Variants in NOX4 observed in about 807,000 individuals in gnomAD.
NOX4 encodes kidney oxidase-1.
A neutral mutation model predicts 87.6 loss-of-function variants in NOX4; 69 were observed. The ratio of observed to expected loss-of-function variants is 0.79; its 90% CI spans 0.65 to 0.96. The LOEUF (loss-of-function observed/expected upper bound fraction) is 0.96. Ranked by LOEUF, NOX4 falls within the 40% of genes least tolerant of loss-of-function variation. The pLI is 0.00. For synonymous variants in NOX4, 275 were observed against 238.2 expected (o/e 1.15, Z -1.42); for missense variants, 680 against 681.5 (o/e 1.00, Z 0.02).
At chr11:89,572,786 T>C in the NOX4 span, among the ~76,000 whole-genome samples, 1 of 152,174 alleles carries the variant, frequency 6.6e-6, no homozygotes, top group African/African-American at 2.4e-5. Flanking sequence ...ATCTCTTAAA[T>C]AGTGTAAAAT....
At chr11:89,490,361 T>C in intron 2 of NOX4, 97 bp downstream of exon 2, 3 of 807,732 alleles carry the variant, frequency 3.7e-6, no homozygotes, top group Middle Eastern at 2.5e-4. Context: ...AAGTGAAGAG[T>C]GCACATTTCT....
chr11:89,534,645 T>G, the NOX4 span, among the ~76,000 whole-genome samples: 27 of 152,142 alleles, frequency 1.8e-4, no homozygotes, highest in African/African-American at 6.5e-4. Context: ...TGAGTGAGAG[T>G]GCTGTCAGCA....
chr11:89,572,194 T>C, the NOX4 span, among the ~76,000 whole-genome samples: 1 of 152,242 alleles, frequency 6.6e-6, no homozygotes, highest in Non-Finnish European at 1.5e-5. Flanking sequence ...TCAGGGGCCA[T>C]GTCCTTAACC....
chr11:89,403,195 C>A (rs1000426831), intron 8 of NOX4, among the ~76,000 whole-genome samples: 7 of 152,192 alleles, frequency 4.6e-5, no homozygotes, highest in Non-Finnish European at 1.0e-4. Flanking sequence ...CTGATTATTT[C>A]TTATTTTGTG....
chr11:89,393,247 A>C (rs1424594063), intron 11 of NOX4, among the ~76,000 whole-genome samples: 2 of 152,100 alleles, frequency 1.3e-5, no homozygotes, highest in Non-Finnish European at 2.9e-5. Context: ...CATCCTATCG[A>C]AGAATTGTCT....
intron 13 of NOX4, among the ~76,000 whole-genome samples, chr11:89,346,528 G>A (rs1283377187): frequency 1.6e-4 from 23 of 146,952 alleles, no homozygotes; most frequent in African/African-American, 5.9e-4. Context: ...AAACTAAAGA[G>A]TCTGAAAAGA....
chr11:89,383,334 G>C (rs1009301102), intron 11 of NOX4, among the ~76,000 whole-genome samples: 1 of 152,250 alleles, frequency 6.6e-6, no homozygotes, highest in Non-Finnish European at 1.5e-5. Flanking sequence ...CCATCTATGC[G>C]GGACCCCGTT....
At chr11:89,369,874 A>G (rs1443834960) in intron 12 of NOX4, among the ~76,000 whole-genome samples, 1 of 151,986 alleles carries the variant, frequency 6.6e-6, no homozygotes, top group Non-Finnish European at 1.5e-5. Flanking sequence ...TAAAGTAATA[A>G]CATTAATATA....
At chr11:89,454,707 A>T (rs1404723698) in intron 2 of NOX4, among the ~76,000 whole-genome samples, 1 of 152,170 alleles carries the variant, frequency 6.6e-6, no homozygotes, top group Non-Finnish European at 1.5e-5. Flanking sequence ...AACAACAAAG[A>T]TCTCATCTAC....
chr11:89,465,638 T>A (rs1189371808), intron 2 of NOX4, among the ~76,000 whole-genome samples: 1 of 152,100 alleles, frequency 6.6e-6, no homozygotes, highest in Non-Finnish European at 1.5e-5. Context: ...TTCTCCAGCA[T>A]CTGTTGTTTC....
chr11:89,543,504 C>T, the NOX4 span, among the ~76,000 whole-genome samples: 8 of 152,130 alleles, frequency 5.3e-5, no homozygotes, highest in South Asian at 6.2e-4. Flanking sequence ...TGTAAGTATT[C>T]TCTACCCTCA....
At chr11:89,552,937 A>G in the NOX4 span, among the ~76,000 whole-genome samples, 1,348 of 152,244 alleles carry the variant, frequency 8.9e-3, 19 homozygotes, top group African/African-American at 0.031. Flanking sequence ...CCCCAAAATT[A>G]TCATCAGTAA....
chr11:89,550,154 G>C, the NOX4 span, among the ~76,000 whole-genome samples: 4 of 151,488 alleles, frequency 2.6e-5, no homozygotes, highest in East Asian at 5.8e-4. Flanking sequence ...AGCCTCGCCA[G>C]TATCGGTTGT....
the NOX4 span, among the ~76,000 whole-genome samples, chr11:89,564,893 G>A: frequency 6.6e-5 from 10 of 151,916 alleles, no homozygotes; most frequent in Admixed American, 6.6e-4. Context: ...TAATATTTCT[G>A]TTCTGGAACT....
chr11:89,394,151 G>T (rs868832405), intron 11 of NOX4, among the ~76,000 whole-genome samples: 1 of 152,114 alleles, frequency 6.6e-6, no homozygotes, highest in Admixed American at 6.6e-5. Context: ...GCCTAGGCCT[G>T]CTGAAAGAAA....
At chr11:89,588,454 T>C in the NOX4 span, among the ~76,000 whole-genome samples, 1 of 152,226 alleles carries the variant, frequency 6.6e-6, no homozygotes, top group Non-Finnish European at 1.5e-5. Flanking sequence ...AATGATTGTG[T>C]TCATTTTTAG....
intron 6 of NOX4, among the ~76,000 whole-genome samples, chr11:89,437,693 C>T (rs905800991): frequency 6.6e-6 from 1 of 151,990 alleles, no homozygotes; most frequent in African/African-American, 2.4e-5. Context: ...TAGAAGCAGC[C>T]CTTCCCAACC....
intron 12 of NOX4, among the ~76,000 whole-genome samples, chr11:89,356,405 G>T (rs755178392): frequency 2.1e-5 from 3 of 142,818 alleles, no homozygotes; most frequent in African/African-American, 8.5e-5. Context: ...GAGAAAATAG[G>T]AGGGGGAGGG....
At position 89,457,404 on chromosome 11, in the gene NOX4, G is replaced by T. The variant is rs1945255257; in HGVS notation, c.154-5509C>A. Among the ~76,000 whole-genome samples, 3 of 152,242 alleles carry T rather than the reference G, an allele frequency of 2.0e-5. No homozygotes were observed. In the South Asian group the frequency reaches 6.2e-4, roughly 32 times the overall value. ...ATGAGCATACACAGGACCACTTCAG[G>T]CTCACTCCCACCAGTGTGCCACCCA... On this transcript the variant is annotated intron_variant, in intron 2 of 17. Transcript: ENST00000263317.
Sources: allele counts gnomAD v4.1 joint callset (sites outside exome capture counted in the v4.1 genomes callset), GRCh38; gene constraint gnomAD v4.1.1; transcripts MANE v1.5; gene names NCBI Gene and HGNC (gene_info 2026-07-23, HGNC 2026-07-21).